The following MBD5 variants were observed in gnomAD, a reference collection of about 807,000 sequenced individuals.
MBD5 encodes methyl-CpG binding domain protein 5.
In MBD5, 13 loss-of-function variants were observed where a neutral mutation model predicts 117.3. The observed-to-expected ratio is 0.11, with a 90% CI of 0.07 to 0.18. The LOEUF is 0.18. Ranked by LOEUF, MBD5 falls within the 10% of genes least tolerant of loss-of-function variation. The probability of loss-of-function intolerance (pLI) is 1.00; values close to 1 mark genes in which losing one functional copy is unlikely to be tolerated. For missense variants in MBD5, 1,879 were observed against 2,093.8 expected, an observed-to-expected ratio of 0.90 and a Z score of 2.00; for synonymous variants, 727 against 766.4, an observed-to-expected ratio of 0.95 and a Z score of 0.85.
At chr2:148,023,497 C>A (rs1171592952) in intron 1 of MBD5, among the ~76,000 whole-genome samples, 1 of 152,052 alleles carries the variant, frequency 6.6e-6, no homozygotes, top group South Asian at 2.1e-4. Flanking sequence ...TTACCTTTCT[C>A]TGAGATGTAA....
intron 1 of MBD5, among the ~76,000 whole-genome samples, chr2:148,096,617 G>T (rs1696076195): frequency 6.6e-6 from 1 of 152,078 alleles, no homozygotes; most frequent in Admixed American, 6.6e-5. Context: ...TAAAACCTCA[G>T]TTGTCTTTGA....
intron 4 of MBD5, among the ~76,000 whole-genome samples, chr2:148,366,052 A>T (rs766825490): frequency 6.6e-6 from 1 of 152,220 alleles, no homozygotes; most frequent in Non-Finnish European, 1.5e-5. Context: ...AATATCCTTG[A>T]TGAATATCGA....
chr2:148,151,726 T>C (rs1361237223), intron 1 of MBD5, among the ~76,000 whole-genome samples: 5 of 152,254 alleles, frequency 3.3e-5, no homozygotes, highest in African/African-American at 4.8e-5. Context: ...AGTTGATTTG[T>C]GTAGAGGTGT....
intron 3 of MBD5, among the ~76,000 whole-genome samples, chr2:148,248,144 A>C (rs1261386838): frequency 6.6e-6 from 1 of 152,156 alleles, no homozygotes; most frequent in African/African-American, 2.4e-5. Context: ...CTCATCCAAG[A>C]TGGAGAGTCT....
chr2:148,258,170 C>T (rs1221409403), intron 3 of MBD5, among the ~76,000 whole-genome samples: 1 of 152,108 alleles, frequency 6.6e-6, no homozygotes, highest in Non-Finnish European at 1.5e-5. Flanking sequence ...CGTGCAGCAC[C>T]AGCTACACCA....
intron 3 of MBD5, among the ~76,000 whole-genome samples, chr2:148,298,110 G>A (rs1457726055): frequency 2.6e-5 from 4 of 152,140 alleles, no homozygotes; most frequent in African/African-American, 9.7e-5. Flanking sequence ...GGTGAGCTGG[G>A]GCATGGATGC....
At chr2:148,188,793 C>A (rs1348163438) in intron 2 of MBD5, among the ~76,000 whole-genome samples, 2 of 152,006 alleles carry the variant, frequency 1.3e-5, no homozygotes, top group Non-Finnish European at 2.9e-5. Context: ...TCTACAGCTC[C>A]CAGCGTGAGC....
At chr2:148,084,544 T>C (rs967897212) in intron 1 of MBD5, among the ~76,000 whole-genome samples, 3 of 152,240 alleles carry the variant, frequency 2.0e-5, no homozygotes, top group African/African-American at 2.4e-5. Flanking sequence ...TTTAGGCCAA[T>C]TGAGATCTTT....
chr2:148,150,081 A>ATGT (rs1558947267), intron 1 of MBD5, among the ~76,000 whole-genome samples: 1 of 89,464 alleles, frequency 1.1e-5, no homozygotes, highest in Non-Finnish European at 2.3e-5. Context: ...TAGGTCTAAC[A>ATGT]TTTAAGTCTT....
chr2:148,085,523 G>T (rs1695756466), intron 1 of MBD5, among the ~76,000 whole-genome samples: 1 of 151,830 alleles, frequency 6.6e-6, no homozygotes, highest in African/African-American at 2.4e-5. Flanking sequence ...AGGAGATCGA[G>T]ACCATCCCGG....
chr2:148,234,799 T>C (rs1207559833), intron 3 of MBD5, among the ~76,000 whole-genome samples: 1 of 152,208 alleles, frequency 6.6e-6, no homozygotes, highest in Non-Finnish European at 1.5e-5. Flanking sequence ...TATGCACTTT[T>C]ATTAACTGTT....
At chr2:148,221,181 G>C (rs1442930402) in intron 2 of MBD5, among the ~76,000 whole-genome samples, 2 of 152,014 alleles carry the variant, frequency 1.3e-5, no homozygotes, top group Non-Finnish European at 2.9e-5. Context: ...TCTGTTGATG[G>C]ACACTTAGGT....
At chr2:148,180,528 G>A (rs1024966357) in intron 2 of MBD5, among the ~76,000 whole-genome samples, 1 of 151,364 alleles carries the variant, frequency 6.6e-6, no homozygotes, top group East Asian at 1.9e-4. Context: ...TGTTGTTGTC[G>A]TGTGTTTGTT....
At chr2:148,171,710 A>G (rs899492869) in intron 1 of MBD5, among the ~76,000 whole-genome samples, 1 of 152,236 alleles carries the variant, frequency 6.6e-6, no homozygotes, top group Non-Finnish European at 1.5e-5. Flanking sequence ...GATCTTATGT[A>G]TAAAAAACCC....
intron 4 of MBD5, among the ~76,000 whole-genome samples, chr2:148,413,746 A>G (rs1316791508): frequency 1.3e-5 from 2 of 151,834 alleles, no homozygotes; most frequent in Non-Finnish European, 2.9e-5. Flanking sequence ...TAGGTTTTCT[A>G]GTTATGTGCA....
chr2:148,179,684 C>T (rs1367256406), intron 2 of MBD5, among the ~76,000 whole-genome samples: 2 of 152,082 alleles, frequency 1.3e-5, no homozygotes, highest in Non-Finnish European at 2.9e-5. Flanking sequence ...CTTAACATGA[C>T]TAAGTAAATT....
At chr2:148,461,273 T>C (rs1202743156) in intron 5 of MBD5, among the ~76,000 whole-genome samples, 2 of 152,112 alleles carry the variant, frequency 1.3e-5, no homozygotes, top group African/African-American at 4.8e-5. Flanking sequence ...CAAAGACATC[T>C]TGTTGCCCTT....
intron 8 of MBD5, 64 bp downstream of exon 8, chr2:148,470,525 G>T (rs749120323): frequency 7.6e-5 from 97 of 1,272,094 alleles, no homozygotes; most frequent in South Asian, 2.7e-4. Flanking sequence ...TAAAAAATTT[G>T]TACCAAAATA....
intron 1 of MBD5, among the ~76,000 whole-genome samples, chr2:148,166,515 G>A (rs1200447230): frequency 1.3e-5 from 2 of 152,156 alleles, no homozygotes; most frequent in Non-Finnish European, 1.5e-5. Context: ...TCAGAGCCTA[G>A]TGTTTCTCCC....
Sources: allele counts gnomAD v4.1 joint callset (sites outside exome capture counted in the v4.1 genomes callset), GRCh38; gene constraint gnomAD v4.1.1; transcripts MANE v1.5; gene names NCBI Gene and HGNC (gene_info 2026-07-23, HGNC 2026-07-21).